The following GALNT18 variants were observed in gnomAD, a reference collection of about 807,000 sequenced individuals.
GALNT18 encodes polypeptide N-acetylgalactosaminyltransferase 18.
In GALNT18, 44 loss-of-function variants were observed where a neutral mutation model predicts 69.5. The ratio of observed to expected loss-of-function variants is 0.63; its 90% CI spans 0.50 to 0.81. GALNT18 has a LOEUF of 0.81. Among genes scored for constraint, GALNT18 ranks in the 40% least tolerant of loss-of-function variants. The pLI, the probability that GALNT18 is intolerant of heterozygous loss-of-function variation, is 0.00. For synonymous variants in GALNT18, 364 were observed against 318.2 expected (o/e 1.14, Z -1.53); for missense variants, 715 against 810.0 (o/e 0.88, Z 1.42).
chr11:11,372,286 C>T lies in GALNT18; in HGVS notation c.1092+229G>A, dbSNP rs148852024. 6.6e-6 allele frequency among the ~76,000 whole-genome samples: 1 copy of T among 152,238 alleles called. No individual in the cohort carries two copies. Among genetic ancestry groups the T allele is most frequent in the African/African-American group, 2.4e-5 (1 of 41,546 alleles). ...TGTTCCCTTGAGTTGGCAGCTTAACCTCTCCCATGCTCCCTCCCCCAGCCA... is the reference window on the plus strand; with the variant it reads ...TGTTCCCTTGAGTTGGCAGCTTAACTTCTCCCATGCTCCCTCCCCCAGCCA... On this transcript the variant is annotated intron_variant, in intron 6 of 10. Transcript: ENST00000227756. The surrounding 1 kb of genome is among the most constrained non-coding windows in gnomAD (Gnocchi z 4.9).
intron 6 of GALNT18, among the ~76,000 whole-genome samples, chr11:11,360,145 A>C (rs563995329): frequency 1.3e-5 from 2 of 152,316 alleles, no homozygotes; most frequent in Admixed American, 1.3e-4. Context: ...GTTGCCCAAG[A>C]GTGTACATCA....
chr11:11,558,180 T>G (rs1165129269), intron 1 of GALNT18, among the ~76,000 whole-genome samples: 1 of 152,174 alleles, frequency 6.6e-6, no homozygotes, highest in Admixed American at 6.5e-5. Flanking sequence ...TTTTTTACAT[T>G]GTAATGTTTT....
At position 11,418,355 on chromosome 11, in the gene GALNT18, T is replaced by C. The variant is rs996867386; in HGVS notation, c.595+14266A>G. 2.0e-5 allele frequency among the ~76,000 whole-genome samples: 3 copies of C among 152,260 alleles called. No individual in the cohort carries two copies. In the South Asian group the frequency reaches 6.2e-4, roughly 32 times the overall value. On this transcript the variant is annotated intron_variant, in intron 3 of 10. Transcript: ENST00000227756. ...TAAAGAAGCCATGTGTAAATATGCC[T>C]GGCACAGTGCTTGGAACACAGCAGG...
intron 10 of GALNT18, among the ~76,000 whole-genome samples, chr11:11,276,722 G>C (rs546673216): frequency 8.0e-4 from 122 of 151,788 alleles, no homozygotes; most frequent in African/African-American, 2.6e-3. Context: ...TGGCATGAAG[G>C]GGTATTGAAT....
chr11:11,352,733 T>G, intron 6 of GALNT18: 1 of 1,614,166 alleles, frequency 6.2e-7, no homozygotes, highest in Non-Finnish European at 8.5e-7. Flanking sequence ...TATCATAGTC[T>G]GTTAACGTCT....
rs1339563930 is a variant in GALNT18 at position 11,603,740 on chromosome 11, C to T, written c.235+17619G>A. 1.3e-5 allele frequency among the ~76,000 whole-genome samples: 2 copies of T among 152,102 alleles called. No individual in the cohort carries two copies. Among genetic ancestry groups the T allele is most frequent in the Non-Finnish European group, 2.9e-5 (2 of 68,022 alleles). ...TCTGGCTAGCTGGGGACTGCATGGA[C>T]TAAGGTCTCCCAAGAGGGGAAAAGG... On this transcript the variant is annotated intron_variant, in intron 1 of 10. Coordinates refer to ENST00000227756, the MANE Select transcript of GALNT18 (RefSeq NM_198516.3). This position sits in a 1 kb window ranked among gnomAD's most constrained non-coding sequence, Gnocchi z 4.5.
intron 10 of GALNT18, among the ~76,000 whole-genome samples, chr11:11,281,325 C>T (rs1371980547): frequency 6.6e-6 from 1 of 152,196 alleles, no homozygotes; most frequent in African/African-American, 2.4e-5. Context: ...TCATTTCTGT[C>T]CTGATTCCTG....
intron 6 of GALNT18, among the ~76,000 whole-genome samples, chr11:11,354,445 T>G (rs1336879736): frequency 6.6e-6 from 1 of 152,190 alleles, no homozygotes; most frequent in African/African-American, 2.4e-5. Context: ...GTCCTACATT[T>G]CCCATTTGCT....
intron 10 of GALNT18, among the ~76,000 whole-genome samples, chr11:11,279,614 A>C (rs1055387498): frequency 1.0e-4 from 15 of 148,052 alleles, no homozygotes; most frequent in Admixed American, 2.7e-4. Context: ...AATCTCACCA[A>C]TACAATGTCG....
At chr11:11,554,044 C>T (rs1011564953) in intron 1 of GALNT18, among the ~76,000 whole-genome samples, 1 of 151,760 alleles carries the variant, frequency 6.6e-6, no homozygotes, top group Non-Finnish European at 1.5e-5. Context: ...AAAGGGTTTG[C>T]CAGTTACAGG....
At chr11:11,528,312 C>T (rs1191410169) in intron 1 of GALNT18, among the ~76,000 whole-genome samples, 1 of 152,182 alleles carries the variant, frequency 6.6e-6, no homozygotes. Flanking sequence ...GGAAGGTCAA[C>T]TAAGGCCAAA....
chr11:11,327,910 T>C (rs918176789), intron 8 of GALNT18, among the ~76,000 whole-genome samples: 7 of 152,198 alleles, frequency 4.6e-5, no homozygotes, highest in African/African-American at 1.7e-4. Flanking sequence ...GAGTGGACCA[T>C]GGTGGGCACC....
In GALNT18 at chr11:11,315,729, G is replaced by C. The variant is rs1016949699; in HGVS notation, c.1512+11357C>G. Among the ~76,000 whole-genome samples the C allele has an allele frequency of 1.3e-5, 2 of 152,118 alleles. No homozygotes were observed. On this transcript the variant is annotated intron_variant, in intron 9 of 10. Transcript: ENST00000227756. The surrounding 1 kb of genome is among the most constrained non-coding windows in gnomAD (Gnocchi z 5.6). ...ACTTTACAGATTATGAACCTAACAG[G>C]TTAGAAAGATCAGATCACTTGCCCC...
At position 11,351,868 on chromosome 11, in the gene GALNT18, C is replaced by T. The variant is rs185851736; in HGVS notation, c.1093-10864G>A. ...GCTTCTGAAGTGTTTCACCCCTCCC[C>T]GCCAGGCGCAAGCTGCATCAAGGAG... is the stretch of plus-strand genomic sequence containing the variant. On this transcript the variant is annotated intron_variant, in intron 6 of 10. Transcript: ENST00000227756. 6.6e-4 allele frequency: 769 copies of T among 1,169,864 alleles called. 1 individual carries two copies. In the African/African-American group the frequency reaches 8.7e-3, roughly 13 times the overall value. The allele number at this position is 1,169,864 out of a possible 1,614,324, so 72.5% of individuals were successfully genotyped here.
chr11:11,307,192 A>C (rs2133024143), intron 9 of GALNT18, among the ~76,000 whole-genome samples: 1 of 152,248 alleles, frequency 6.6e-6, no homozygotes, highest in African/African-American at 2.4e-5. Flanking sequence ...GATGTGTCTC[A>C]GTCTACCAAA....
chr11:11,330,082 T>C (rs1422007589), intron 8 of GALNT18, among the ~76,000 whole-genome samples: 2 of 152,134 alleles, frequency 1.3e-5, no homozygotes, highest in Non-Finnish European at 2.9e-5. Flanking sequence ...CTCCTGGACA[T>C]GAAGCTCAAT....
At chr11:11,452,756 A>G (rs746653487) in intron 1 of GALNT18, among the ~76,000 whole-genome samples, 2 of 151,950 alleles carry the variant, frequency 1.3e-5, no homozygotes, top group Non-Finnish European at 2.9e-5. Flanking sequence ...TGATACCCAG[A>G]CCCTCTGATG....
Position 11,358,478 on chromosome 11 carries a change from T to C in GALNT18, c.1092+14037A>G, listed in dbSNP as rs537004655. Among the ~76,000 whole-genome samples, 23 of 140,496 alleles carry C rather than the reference T, an allele frequency of 1.6e-4. 4 individuals carry two copies. The highest frequency in any genetic ancestry group is 3.5e-4 in the Non-Finnish European group (22 of 62,928). The allele number at this position is 140,496 out of a possible 152,430, so 92.2% of individuals were successfully genotyped here. ...TTTGTTGGACATTTAATAACTCATT[T>C]ATAAGAACTAGGAAAGACTAAGTCT... On this transcript the variant is annotated intron_variant, in intron 6 of 10. Transcript: ENST00000227756.
At position 11,617,115 on chromosome 11, in the gene GALNT18, T is replaced by G. The variant is rs139161526; in HGVS notation, c.235+4244A>C. ...GCAAGGAAGATGAACAGGACGCCAA[T>G]TGGCAGATGCATCCCAAAGACAGAA... On this transcript the variant is annotated intron_variant, in intron 1 of 10. Coordinates refer to ENST00000227756, the MANE Select transcript of GALNT18 (RefSeq NM_198516.3). This position sits in a 1 kb window ranked among gnomAD's most constrained non-coding sequence, Gnocchi z 4.7. 6.6e-6 allele frequency among the ~76,000 whole-genome samples: 1 copy of G among 152,226 alleles called. No homozygotes were observed. Among genetic ancestry groups the G allele is most frequent in the African/African-American group, 2.4e-5 (1 of 41,468 alleles).
Sources: gnomAD v4.1 joint callset for allele counts (sites outside exome capture counted in the v4.1 genomes callset) on GRCh38, gnomAD v4.1.1 for gene constraint, Gnocchi (gnomAD v3.1) non-coding constraint, MANE v1.5 for transcripts, NCBI Gene and HGNC (gene_info 2026-07-23, HGNC 2026-07-21) for gene names.